The following MACROD2 variants were observed in gnomAD, a reference collection of about 807,000 sequenced individuals.
MACROD2 encodes mono-ADP ribosylhydrolase 2.
A neutral mutation model predicts 70.4 loss-of-function variants in MACROD2; 36 were observed. The ratio of observed to expected loss-of-function variants is 0.51; its 90% confidence interval spans 0.39 to 0.68. MACROD2 has a LOEUF of 0.68. Ranked by LOEUF, MACROD2 falls within the 30% of genes least tolerant of loss-of-function variation. The pLI, the probability that MACROD2 is intolerant of heterozygous loss-of-function variation, is 0.00. For synonymous variants in MACROD2, 172 were observed against 178.8 expected, an observed-to-expected ratio of 0.96 and a Z score of 0.30; for missense variants, 496 against 538.4, an observed-to-expected ratio of 0.92 and a Z score of 0.78.
chr20:15,006,141 A>ATATGTGTGTGTG (rs141289169), intron 5 of MACROD2, among the ~76,000 whole-genome samples: 99 of 134,362 alleles, frequency 7.4e-4, no homozygotes, highest in Admixed American at 1.1e-3. Flanking sequence ...ATATATATAT[A>ATATGTGTGTGTG]TGTGTGTGTG....
chr20:15,402,645 T>G (rs2045946329), intron 6 of MACROD2, among the ~76,000 whole-genome samples: 1 of 152,236 alleles, frequency 6.6e-6, no homozygotes, highest in South Asian at 2.1e-4. Flanking sequence ...TACAGGGTAG[T>G]TTTTCTGGGA....
chr20:14,871,959 G>A (rs150269886), intron 5 of MACROD2, among the ~76,000 whole-genome samples: 73 of 152,040 alleles, frequency 4.8e-4, no homozygotes, highest in African/African-American at 1.6e-3. Flanking sequence ...TTCAATTCAG[G>A]AAGAAGATCT....
At chr20:15,477,586 G>A (rs1273391480) in intron 7 of MACROD2, among the ~76,000 whole-genome samples, 2 of 152,026 alleles carry the variant, frequency 1.3e-5, no homozygotes, top group Non-Finnish European at 2.9e-5. Context: ...GAGAGAGGAG[G>A]GGAGTAAACC....
chr20:14,619,948 T>A (rs1165624466), intron 4 of MACROD2, among the ~76,000 whole-genome samples: 3 of 152,152 alleles, frequency 2.0e-5, no homozygotes, highest in African/African-American at 7.2e-5. Flanking sequence ...TGAGGGAAGA[T>A]AGCAAATTAT....
intron 5 of MACROD2, among the ~76,000 whole-genome samples, chr20:14,775,099 A>T (rs1442783193): frequency 1.1e-4 from 17 of 152,050 alleles, no homozygotes; most frequent in Admixed American, 9.8e-4. Context: ...AATTGTTTAT[A>T]TTTGTGTTTG....
chr20:15,636,553 A>G (rs973991128), intron 8 of MACROD2, among the ~76,000 whole-genome samples: 2 of 152,172 alleles, frequency 1.3e-5, no homozygotes, highest in African/African-American at 2.4e-5. Context: ...TATGTATATC[A>G]CAGTGTTTAT....
chr20:14,263,492 T>G (rs1178005665), intron 3 of MACROD2, among the ~76,000 whole-genome samples: 1 of 152,078 alleles, frequency 6.6e-6, no homozygotes, highest in Non-Finnish European at 1.5e-5. Context: ...TTCTCTCCAC[T>G]TTCTCCCTTT....
chr20:14,673,566 G>A (rs755807818), intron 4 of MACROD2, among the ~76,000 whole-genome samples: 3 of 152,136 alleles, frequency 2.0e-5, no homozygotes, highest in Non-Finnish European at 4.4e-5. Context: ...CTGCCACTTA[G>A]GTGGATGACC....
At chr20:15,180,694 C>T (rs909560501) in intron 5 of MACROD2, among the ~76,000 whole-genome samples, 1 of 152,188 alleles carries the variant, frequency 6.6e-6, no homozygotes, top group South Asian at 2.1e-4. Context: ...TCCGTGGTTA[C>T]AGGCCAGACT....
At chr20:15,253,858 CAG>C (rs1279392647) in intron 6 of MACROD2, among the ~76,000 whole-genome samples, 1 of 152,170 alleles carries the variant, frequency 6.6e-6, no homozygotes, top group African/African-American at 2.4e-5. Flanking sequence ...AAATCTGTAA[CAG>C]GGTGGATTTC....
At chr20:14,676,218 T>A (rs1056448425) in intron 4 of MACROD2, among the ~76,000 whole-genome samples, 6 of 152,094 alleles carry the variant, frequency 3.9e-5, no homozygotes, top group African/African-American at 1.4e-4. Context: ...TCTACAGAAC[T>A]CTCCACTCCA....
chr20:14,757,639 C>A, intron 5 of MACROD2: 1 of 1,218,168 alleles, frequency 8.2e-7, no homozygotes, highest in Non-Finnish European at 1.2e-6. Flanking sequence ...CCAAGGACAT[C>A]CACATGCCTA....
chr20:14,679,786 A>G (rs549041737), intron 4 of MACROD2, among the ~76,000 whole-genome samples: 9 of 152,156 alleles, frequency 5.9e-5, no homozygotes, highest in Non-Finnish European at 8.8e-5. Context: ...ATAGGAGATC[A>G]TATTTTAATT....
At chr20:14,995,931 G>A (rs6135321) in intron 5 of MACROD2, among the ~76,000 whole-genome samples, 33 of 152,210 alleles carry the variant, frequency 2.2e-4, no homozygotes, top group East Asian at 9.7e-4. Flanking sequence ...AAACTACAGC[G>A]AAAGTAAAAC....
chr20:14,136,582 T>C (rs1021692835), intron 3 of MACROD2, among the ~76,000 whole-genome samples: 2 of 152,136 alleles, frequency 1.3e-5, no homozygotes, highest in African/African-American at 4.8e-5. Context: ...CCTAGAAATT[T>C]GTTAGAAATG....
At chr20:14,972,187 A>G (rs1270507519) in intron 5 of MACROD2, among the ~76,000 whole-genome samples, 3 of 152,238 alleles carry the variant, frequency 2.0e-5, no homozygotes, top group Admixed American at 6.5e-5. Flanking sequence ...TAGAACTGCC[A>G]TAGTGCTCTT....
intron 4 of MACROD2, among the ~76,000 whole-genome samples, chr20:14,540,945 C>T (rs2085424573): frequency 6.6e-6 from 1 of 152,162 alleles, no homozygotes; most frequent in Non-Finnish European, 1.5e-5. Flanking sequence ...TGCCAACTGT[C>T]CATAATTAGC....
chr20:15,988,017 G>T (rs2066510255), intron 15 of MACROD2, among the ~76,000 whole-genome samples: 1 of 152,090 alleles, frequency 6.6e-6, no homozygotes, highest in Admixed American at 6.6e-5. Flanking sequence ...TTAAAACTCA[G>T]ACATGATCTC....
chr20:15,959,833 A>T (rs1426643417), intron 12 of MACROD2, among the ~76,000 whole-genome samples: 1 of 152,028 alleles, frequency 6.6e-6, no homozygotes, highest in Non-Finnish European at 1.5e-5. Flanking sequence ...TGCCCGGCCC[A>T]AACTTCTTAA....
Sources: gnomAD v4.1 joint callset for allele counts (sites outside exome capture counted in the v4.1 genomes callset) on GRCh38, gnomAD v4.1.1 for gene constraint, MANE v1.5 for transcripts, NCBI Gene and HGNC (gene_info 2026-07-23, HGNC 2026-07-21) for gene names.